Variants in RSF1 observed in about 807,000 individuals in gnomAD.
RSF1 encodes remodeling and spacing factor 1.
Under a neutral mutation model 145.2 loss-of-function variants are expected in RSF1, and 13 were observed. That is an observed-to-expected ratio of 0.09 (90% CI 0.06 to 0.14). The LOEUF (loss-of-function observed/expected upper bound fraction) is 0.14, where lower values mean the gene tolerates loss of function less well. RSF1 is among the 10% of genes least tolerant of loss of function. The pLI is 1.00. For missense variants in RSF1, 1,517 were observed against 1,718.2 expected, an observed-to-expected ratio of 0.88 and a Z score of 2.07; for synonymous variants, 577 against 592.6, an observed-to-expected ratio of 0.97 and a Z score of 0.38.
At chr11:77,806,042 C>A (rs982594481) in intron 1 of RSF1, among the ~76,000 whole-genome samples, 1 of 152,152 alleles carries the variant, frequency 6.6e-6, no homozygotes, top group African/African-American at 2.4e-5. Flanking sequence ...ATGGCCACTT[C>A]CCCAACTTTC....
intron 1 of RSF1, among the ~76,000 whole-genome samples, chr11:77,811,467 C>T (rs867310221): frequency 1.5e-4 from 23 of 152,050 alleles, no homozygotes; most frequent in African/African-American, 3.1e-4. Context: ...ACAAAGTGTA[C>T]GTGCAGGGTA....
At chr11:77,832,552 C>T in the RSF1 span, among the ~76,000 whole-genome samples, 7 of 151,904 alleles carry the variant, frequency 4.6e-5, no homozygotes, top group African/African-American at 1.5e-4. Context: ...TCTGAAACTC[C>T]GGACCTCAGG....
the RSF1 span, chr11:77,841,024 G>C: frequency 1.8e-6 from 1 of 560,084 alleles, no homozygotes; most frequent in Non-Finnish European, 3.2e-6. Flanking sequence ...CACAGTTCTG[G>C]AGGCTGGGAA....
At chr11:77,677,494 CA>C (rs1565145248) in intron 12 of RSF1, among the ~76,000 whole-genome samples, 1 of 152,144 alleles carries the variant, frequency 6.6e-6, no homozygotes, top group Non-Finnish European at 1.5e-5. Flanking sequence ...AATTCAGCAG[CA>C]AAAATGTAAA....
At chr11:77,689,936 G>A (rs1216400781) in intron 9 of RSF1, among the ~76,000 whole-genome samples, 1 of 152,082 alleles carries the variant, frequency 6.6e-6, no homozygotes, top group Non-Finnish European at 1.5e-5. Context: ...GGCCGAGGCG[G>A]GTGAATCACA....
chr11:77,754,860 T>C (rs1948100264), intron 2 of RSF1, among the ~76,000 whole-genome samples: 1 of 148,982 alleles, frequency 6.7e-6, no homozygotes, highest in Non-Finnish European at 1.5e-5. Flanking sequence ...TCCTAGCTAC[T>C]AGGGAGGCTG....
chr11:77,856,764 A>C, the RSF1 span, among the ~76,000 whole-genome samples: 2 of 152,180 alleles, frequency 1.3e-5, no homozygotes, highest in African/African-American at 4.8e-5. Context: ...CAAGGGGGAT[A>C]CTGGCCCCAT....
chr11:77,674,669 C>G (rs1348357724), intron 14 of RSF1, among the ~76,000 whole-genome samples: 1 of 152,162 alleles, frequency 6.6e-6, no homozygotes, highest in Non-Finnish European at 1.5e-5. Context: ...GTCTTAAGAA[C>G]AGAATTTTAA....
chr11:77,798,238 C>T (rs949071713), intron 1 of RSF1, among the ~76,000 whole-genome samples: 5 of 152,072 alleles, frequency 3.3e-5, no homozygotes, highest in Non-Finnish European at 5.9e-5. Flanking sequence ...AATCACAATA[C>T]AAACACTTGG....
At chr11:77,766,713 G>C (rs1948229954) in intron 1 of RSF1, among the ~76,000 whole-genome samples, 2 of 152,188 alleles carry the variant, frequency 1.3e-5, no homozygotes, top group African/African-American at 4.8e-5. Flanking sequence ...ATGAGGCCAG[G>C]CTCAGAAGTT....
At chr11:77,816,506 C>T (rs1404361324) in intron 1 of RSF1, among the ~76,000 whole-genome samples, 2 of 152,162 alleles carry the variant, frequency 1.3e-5, no homozygotes, top group Non-Finnish European at 2.9e-5. Flanking sequence ...ACTAATGGCT[C>T]AACTTACTTA....
At chr11:77,728,535 GGGAAAGGGAAGA>G (rs1236648137) in intron 4 of RSF1, among the ~76,000 whole-genome samples, 1 of 150,426 alleles carries the variant, frequency 6.6e-6, no homozygotes, top group East Asian at 1.9e-4. Context: ...GAAAGGAAAG[GGGAAAGGGAAGA>G]GGAAAGGGAA....
intron 3 of RSF1, among the ~76,000 whole-genome samples, chr11:77,746,442 G>T (rs1049852510): frequency 6.6e-6 from 1 of 152,088 alleles, no homozygotes. Context: ...TGAATAAGAA[G>T]CCTACTTACA....
intron 4 of RSF1, among the ~76,000 whole-genome samples, chr11:77,736,221 G>A (rs1961348806): frequency 2.0e-5 from 3 of 152,172 alleles, no homozygotes; most frequent in Non-Finnish European, 4.4e-5. Context: ...ATTCAGTTCT[G>A]CTTCCCCATA....
At chr11:77,718,717 A>C (rs1282610302) in intron 5 of RSF1, among the ~76,000 whole-genome samples, 3 of 152,210 alleles carry the variant, frequency 2.0e-5, no homozygotes, top group Non-Finnish European at 2.9e-5. Flanking sequence ...AGTCATTTGC[A>C]AGCCAGGAAA....
chr11:77,729,379 C>G (rs1237709501), intron 4 of RSF1, among the ~76,000 whole-genome samples: 2 of 152,032 alleles, frequency 1.3e-5, no homozygotes, highest in Non-Finnish European at 2.9e-5. Flanking sequence ...TAACCAGATT[C>G]TAAACTGTTA....
chr11:77,844,372 G>C, the RSF1 span, among the ~76,000 whole-genome samples: 2 of 150,220 alleles, frequency 1.3e-5, no homozygotes, highest in African/African-American at 2.4e-5. Flanking sequence ...TTCTTTCTTT[G>C]TTTTTTTTTG....
At chr11:77,685,903 T>C (rs1188425530) in intron 9 of RSF1, among the ~76,000 whole-genome samples, 1 of 152,304 alleles carries the variant, frequency 6.6e-6, no homozygotes, top group East Asian at 1.9e-4. Flanking sequence ...ATAAAAATTA[T>C]GTAAACAAAA....
chr11:77,817,328 G>A (rs546741001), intron 1 of RSF1, among the ~76,000 whole-genome samples: 4 of 152,332 alleles, frequency 2.6e-5, no homozygotes, highest in Admixed American at 1.3e-4. Context: ...CTTGGAATCA[G>A]AGTGGACCCT....
Sources: allele counts gnomAD v4.1 joint callset (sites outside exome capture counted in the v4.1 genomes callset), GRCh38; gene constraint gnomAD v4.1.1; transcripts MANE v1.5; gene names NCBI Gene and HGNC (gene_info 2026-07-23, HGNC 2026-07-21).